CSMD3: variants seen among roughly 807,000 people sequenced by gnomAD.
The protein encoded by CSMD3 is CUB and Sushi multiple domains 3.
CSMD3 carries 177 observed loss-of-function variants against 435.2 expected under a neutral mutation model. That is an observed-to-expected ratio of 0.41 (90% confidence interval 0.36 to 0.46). CSMD3 has a LOEUF of 0.46. Ranked by LOEUF, CSMD3 falls within the 20% of genes least tolerant of loss-of-function variation. CSMD3 has a pLI of 0.34. For synonymous variants in CSMD3, 1,656 were observed against 1,520.5 expected (o/e 1.09, Z -2.07); for missense variants, 4,265 against 4,504.6 (o/e 0.95, Z 1.52).
intron 57 of CSMD3, 22 bp from the exon 58 acceptor site, chr8:112,287,268 G>A (rs1819300447): frequency 7.4e-6 from 12 of 1,612,078 alleles, no homozygotes; most frequent in Non-Finnish European, 1.0e-5. Context: ...TACAGTTCAA[G>A]TTAACCAATT....
At position 112,274,223 on chromosome 8, in the gene CSMD3, G is replaced by C. The variant is rs542682725; in HGVS notation, c.9508+6951C>G. Among the ~76,000 whole-genome samples, 221 of 151,918 alleles carry C rather than the reference G, an allele frequency of 1.5e-3. 2 individuals carry two copies. Among genetic ancestry groups the C allele is most frequent in the Non-Finnish European group, 2.5e-3 (168 of 67,948 alleles). ...CCAAAAGAAAAAAAAAAAGGAAAGA[G>C]TATATTTAAAAAAAAGAAATATTTC... On this transcript the variant is annotated intron_variant, in intron 59 of 70. Transcript: ENST00000297405.
chr8:113,267,262 A>G (rs1008376923), intron 3 of CSMD3, among the ~76,000 whole-genome samples: 1 of 151,684 alleles, frequency 6.6e-6, no homozygotes, highest in African/African-American at 2.4e-5. Context: ...TTTTTACAGA[A>G]AGAAAAAGAA....
intron 5 of CSMD3, among the ~76,000 whole-genome samples, chr8:113,028,972 C>G (rs2086978564): frequency 6.6e-6 from 1 of 151,552 alleles, no homozygotes; most frequent in Admixed American, 6.6e-5. Flanking sequence ...AAGAAAATGT[C>G]ATGTAGACCT....
intron 16 of CSMD3, among the ~76,000 whole-genome samples, chr8:112,670,435 C>A (rs1321786583): frequency 1.3e-5 from 2 of 152,112 alleles, no homozygotes; most frequent in African/African-American, 4.8e-5. Flanking sequence ...ATAAGATTTT[C>A]ATTTAAGTGA....
At chr8:113,059,457 A>G (rs1293900982) in intron 5 of CSMD3, among the ~76,000 whole-genome samples, 2 of 152,096 alleles carry the variant, frequency 1.3e-5, no homozygotes, top group African/African-American at 4.8e-5. Context: ...TATCTTTTAT[A>G]TTGTTCTGCA....
intron 22 of CSMD3, among the ~76,000 whole-genome samples, chr8:112,594,574 C>A (rs1370149874): frequency 6.6e-6 from 1 of 152,194 alleles, no homozygotes; most frequent in African/African-American, 2.4e-5. Flanking sequence ...AGGGCACAAA[C>A]AAAAAGACAG....
At chr8:112,568,467 C>T (rs1331698315) in intron 24 of CSMD3, among the ~76,000 whole-genome samples, 3 of 150,822 alleles carry the variant, frequency 2.0e-5, no homozygotes, top group Non-Finnish European at 4.4e-5. Context: ...TGGTGGTGGG[C>T]GCCTGTAATC....
chr8:112,295,574 T>G (rs564604170), intron 54 of CSMD3, among the ~76,000 whole-genome samples: 1 of 151,676 alleles, frequency 6.6e-6, no homozygotes, highest in East Asian at 1.9e-4. Context: ...AGAATATTAA[T>G]TTATCAATAT....
intron 4 of CSMD3, among the ~76,000 whole-genome samples, chr8:113,112,128 T>G (rs958766996): frequency 6.6e-6 from 1 of 151,992 alleles, no homozygotes; most frequent in African/African-American, 2.4e-5. Context: ...TATAATCTTT[T>G]GGGGTTTACA....
At chr8:112,321,942 G>T (rs1056322610) in intron 45 of CSMD3, among the ~76,000 whole-genome samples, 1 of 152,064 alleles carries the variant, frequency 6.6e-6, no homozygotes, top group Non-Finnish European at 1.5e-5. Context: ...ATACTTTAAA[G>T]GGGGTACAGT....
intron 30 of CSMD3, among the ~76,000 whole-genome samples, chr8:112,494,464 TTCTC>T (rs201817644): frequency 9.6e-6 from 1 of 104,504 alleles, no homozygotes; most frequent in African/African-American, 2.7e-5. Context: ...TTTCTCTCCT[TTCTC>T]TTTCTTTTCT....
At chr8:112,341,717 T>C in intron 41 of CSMD3, 31 bp from the exon 42 acceptor site, 1 of 1,349,338 alleles carries the variant, frequency 7.4e-7, no homozygotes, top group Non-Finnish European at 1.1e-6. Context: ...AATGCTACTT[T>C]ATTTGCTTTA....
At chr8:112,590,080 T>A (rs1278576079) in intron 22 of CSMD3, among the ~76,000 whole-genome samples, 2 of 152,152 alleles carry the variant, frequency 1.3e-5, no homozygotes, top group African/African-American at 4.8e-5. Context: ...TGTAAGATAT[T>A]TGAAGTGGCT....
rs548557456 is a variant in CSMD3, at chr8:112,994,251, C to T, written c.1031-18103G>A. On this transcript the variant is annotated intron_variant, in intron 6 of 70. Coordinates refer to ENST00000297405, the MANE Select transcript of CSMD3 (RefSeq NM_198123.2). ...CAAGAAAATTTGTAAAGCAAACAGC[C>T]TAAGTGAAGTAATGTTCTGTATTTT... 4.6e-5 allele frequency among the ~76,000 whole-genome samples: 7 copies of T among 151,806 alleles called. 1 individual carries two copies. In the South Asian group the frequency reaches 8.3e-4, roughly 18 times the overall value.
chr8:112,807,426 G>T (rs557288868), intron 12 of CSMD3, among the ~76,000 whole-genome samples: 114 of 152,132 alleles, frequency 7.5e-4, no homozygotes, highest in Non-Finnish European at 1.3e-3. Flanking sequence ...CTTATGCTTT[G>T]CCTAGAATTA....
At chr8:113,177,198 T>C (rs1041130032) in intron 3 of CSMD3, among the ~76,000 whole-genome samples, 31 of 151,536 alleles carry the variant, frequency 2.0e-4, no homozygotes, top group Admixed American at 9.9e-4. Context: ...CAAATAATTA[T>C]ACCTAAAAGC....
chr8:112,402,919 G>T (rs1041866333), intron 35 of CSMD3, among the ~76,000 whole-genome samples: 12 of 152,150 alleles, frequency 7.9e-5, no homozygotes, highest in African/African-American at 2.9e-4. Flanking sequence ...CATTTCATGA[G>T]TATGAAGTCA....
At chr8:112,425,780 G>A (rs1337958336) in intron 32 of CSMD3, among the ~76,000 whole-genome samples, 10 of 151,906 alleles carry the variant, frequency 6.6e-5, no homozygotes, top group Non-Finnish European at 1.0e-4. Context: ...TATAGACTGT[G>A]AAAATTTTCT....
chr8:112,557,862 G>A (rs1828262816), intron 24 of CSMD3, among the ~76,000 whole-genome samples: 3 of 151,918 alleles, frequency 2.0e-5, no homozygotes, highest in Admixed American at 6.6e-5. Flanking sequence ...AACTCAAGGA[G>A]GAAGTTATGG....
Sources: allele counts gnomAD v4.1 joint callset (sites outside exome capture counted in the v4.1 genomes callset), GRCh38; gene constraint gnomAD v4.1.1; transcripts MANE v1.5; gene names NCBI Gene and HGNC (gene_info 2026-07-23, HGNC 2026-07-21).